CACNB2: variants seen among roughly 807,000 people sequenced by gnomAD.
CACNB2 encodes the protein calcium voltage-gated channel auxiliary subunit beta 2, also known as voltage-dependent L-type calcium channel subunit beta-2.
A neutral mutation model predicts 73.3 loss-of-function variants in CACNB2; 42 were observed. The ratio of observed to expected loss-of-function variants is 0.57; its 90% CI spans 0.45 to 0.74. The LOEUF (loss-of-function observed/expected upper bound fraction) is 0.74. Among genes scored for constraint, CACNB2 ranks in the 30% least tolerant of loss-of-function variants. The pLI is 0.00. For synonymous variants in CACNB2, 348 were observed against 310.3 expected (o/e 1.12, Z -1.28); for missense variants, 940 against 853.0 (o/e 1.10, Z -1.27).
chr10:18,539,457 A>G lies in CACNB2; in HGVS notation c.1716A>G (p.Glu572=), dbSNP rs772469647. 6.2e-7 allele frequency: 1 copy of G among 1,614,038 alleles called. No individual in the cohort carries two copies. Among genetic ancestry groups the G allele is most frequent in the Non-Finnish European group, 8.5e-7 (1 of 1,180,006 alleles). Residue 572 remains glutamate, a synonymous_variant, in exon 14 of 14, where the codon GAA becomes GAG. Transcript: ENST00000324631. ...SRDSAYVEPK[E]DYSHDHVDHY... Reference sequence around the variant, plus strand: ...ACTCTGCCTACGTAGAGCCAAAGGAAGATTATTCCCATGACCACGTGGACC... The same window carrying G: ...ACTCTGCCTACGTAGAGCCAAAGGAGGATTATTCCCATGACCACGTGGACC...
intron 3 of CACNB2, among the ~76,000 whole-genome samples, chr10:18,459,553 G>A (rs931169513): frequency 1.3e-5 from 2 of 152,178 alleles, no homozygotes; most frequent in African/African-American, 4.8e-5. Context: ...GTGCTCTATG[G>A]CATGACCAAT....
At chr10:18,140,917 G>A in intron 1 of CACNB2, 61 bp downstream of exon 1, 4 of 1,547,682 alleles carry the variant, frequency 2.6e-6, no homozygotes, top group Non-Finnish European at 3.5e-6. Context: ...CACCGACCTC[G>A]GGTTCTCCCG....
intron 2 of CACNB2, among the ~76,000 whole-genome samples, chr10:18,220,110 A>AATATATATAT (rs1165921150): frequency 9.2e-5 from 3 of 32,752 alleles, no homozygotes; most frequent in East Asian, 9.5e-4. Flanking sequence ...TTTATTTTTT[A>AATATATATAT]ATATATATAT....
intron 2 of CACNB2, among the ~76,000 whole-genome samples, chr10:18,302,649 C>G (rs2039570323): frequency 6.6e-6 from 1 of 152,022 alleles, no homozygotes; most frequent in African/African-American, 2.4e-5. Context: ...GGCAGCTAAG[C>G]TATGAGGATG....
chr10:18,141,413 A>T (rs2030389927), intron 1 of CACNB2, among the ~76,000 whole-genome samples: 2 of 152,206 alleles, frequency 1.3e-5, no homozygotes, highest in African/African-American at 4.8e-5. Flanking sequence ...CCTGGGGCTG[A>T]CAGCTCTCCA....
At chr10:18,414,417 T>G (rs1221763499) in intron 3 of CACNB2, among the ~76,000 whole-genome samples, 3 of 152,178 alleles carry the variant, frequency 2.0e-5, no homozygotes, top group Non-Finnish European at 2.9e-5. Context: ...GTTTTAACTT[T>G]CTTATGGGTA....
intron 2 of CACNB2, among the ~76,000 whole-genome samples, chr10:18,377,294 A>G (rs544221630): frequency 6.6e-6 from 1 of 152,348 alleles, no homozygotes; most frequent in South Asian, 2.1e-4. Context: ...AATTGGAGTA[A>G]GGAATGACTT....
chr10:18,184,607 TC>T (rs1204581175), intron 2 of CACNB2, among the ~76,000 whole-genome samples: 5 of 150,844 alleles, frequency 3.3e-5, no homozygotes, highest in African/African-American at 1.2e-4. Context: ...TAGGATACAG[TC>T]TTTTTAGGCT....
intron 2 of CACNB2, among the ~76,000 whole-genome samples, chr10:18,373,507 A>G (rs2042671953): frequency 6.6e-6 from 1 of 152,210 alleles, no homozygotes; most frequent in South Asian, 2.1e-4. Flanking sequence ...CAGATGAGGA[A>G]TTCGAGGCTT....
intron 3 of CACNB2, among the ~76,000 whole-genome samples, chr10:18,428,313 TC>T (rs1169180090): frequency 5.9e-5 from 9 of 152,256 alleles, no homozygotes; most frequent in Admixed American, 2.6e-4. Flanking sequence ...GCACTTAGTT[TC>T]CACTACAATC....
At chr10:18,185,746 T>C (rs922448024) in intron 2 of CACNB2, among the ~76,000 whole-genome samples, 1 of 152,148 alleles carries the variant, frequency 6.6e-6, no homozygotes, top group Non-Finnish European at 1.5e-5. Flanking sequence ...TAGCTTTCTT[T>C]GCATACCCAG....
intron 2 of CACNB2, among the ~76,000 whole-genome samples, chr10:18,271,562 C>T (rs557080583): frequency 1.3e-5 from 2 of 152,224 alleles, no homozygotes; most frequent in South Asian, 4.2e-4. Context: ...GGAAACCTTC[C>T]CTAACATCTT....
intron 2 of CACNB2, among the ~76,000 whole-genome samples, chr10:18,347,134 C>A (rs1490033509): frequency 2.6e-5 from 4 of 151,982 alleles, no homozygotes; most frequent in African/African-American, 9.7e-5. Flanking sequence ...ATGGACATAT[C>A]TGACTGCACT....
chr10:18,382,458 TG>T (rs2043059361), intron 2 of CACNB2, among the ~76,000 whole-genome samples: 1 of 152,106 alleles, frequency 6.6e-6, no homozygotes, highest in Admixed American at 6.6e-5. Context: ...TGTGCCATGG[TG>T]GTTTGCTGTA....
chr10:18,472,224 T>C (rs11014398), intron 3 of CACNB2, among the ~76,000 whole-genome samples: 717 of 2,652 alleles, frequency 0.27, 30 homozygotes, highest in South Asian at 0.37. Flanking sequence ...TTTTCTTCTT[T>C]TTTTTTTTTT....
intron 2 of CACNB2, among the ~76,000 whole-genome samples, chr10:18,353,884 C>A (rs1216079957): frequency 1.3e-5 from 2 of 152,178 alleles, no homozygotes; most frequent in African/African-American, 4.8e-5. Flanking sequence ...ATAGTATGAG[C>A]AAAGTTTTCT....
At chr10:18,484,892 C>T (rs914617636) in intron 3 of CACNB2, among the ~76,000 whole-genome samples, 3 of 152,176 alleles carry the variant, frequency 2.0e-5, no homozygotes, top group South Asian at 2.1e-4. Context: ...CGATGGCTCA[C>T]GCCTGTAATC....
intron 2 of CACNB2, chr10:18,401,094 T>A (rs184756750): frequency 6.2e-7 from 1 of 1,614,162 alleles, no homozygotes; most frequent in Admixed American, 1.7e-5. Flanking sequence ...AGAATTCTGA[T>A]ATCTGTGTAA....
chr10:18,391,090 T>C (rs2043448198), intron 2 of CACNB2, among the ~76,000 whole-genome samples: 1 of 152,212 alleles, frequency 6.6e-6, no homozygotes, highest in Admixed American at 6.5e-5. Context: ...TCAAGTACAA[T>C]GACTGTTTTT....
Sources: allele counts gnomAD v4.1 joint callset (sites outside exome capture counted in the v4.1 genomes callset), GRCh38; gene constraint gnomAD v4.1.1; transcripts MANE v1.5; gene names NCBI Gene and HGNC (gene_info 2026-07-23, HGNC 2026-07-21).